STON2: variants seen among roughly 807,000 people sequenced by gnomAD.
STON2 encodes stonin-2.
A neutral mutation model predicts 65.7 loss-of-function variants in STON2; 29 were observed. The observed-to-expected ratio is 0.44, with a 90% confidence interval of 0.33 to 0.60. STON2 has a LOEUF of 0.60. STON2 is among the 20% of genes least tolerant of loss of function. STON2 has a pLI of 0.03. For synonymous variants in STON2, 404 were observed against 414.2 expected (o/e 0.98, Z 0.30); for missense variants, 1,054 against 1,118.1 (o/e 0.94, Z 0.82).
At chr14:81,424,671 A>G (rs535711883) in intron 2 of STON2, among the ~76,000 whole-genome samples, 65 of 152,246 alleles carry the variant, frequency 4.3e-4, no homozygotes, top group African/African-American at 1.5e-3. Flanking sequence ...ACCACAGACA[A>G]TGGGACAGGA....
intron 4 of STON2, among the ~76,000 whole-genome samples, chr14:81,339,932 A>G (rs1336620489): frequency 6.6e-6 from 1 of 152,240 alleles, no homozygotes; most frequent in Non-Finnish European, 1.5e-5. Flanking sequence ...AGGCAGGTAG[A>G]TCACGAGGTC....
chr14:81,353,100 A>G (rs1231049903), intron 4 of STON2, among the ~76,000 whole-genome samples: 1 of 152,214 alleles, frequency 6.6e-6, no homozygotes, highest in Non-Finnish European at 1.5e-5. Flanking sequence ...GCACCTCCAC[A>G]CATCTACATG....
intron 3 of STON2, among the ~76,000 whole-genome samples, chr14:81,383,152 GCTT>G (rs1303426404): frequency 6.6e-6 from 1 of 152,190 alleles, no homozygotes; most frequent in East Asian, 1.9e-4. Flanking sequence ...ATCAATATCT[GCTT>G]CTTCTCCTTT....
chr14:81,365,387 C>T (rs1898674808), intron 4 of STON2, among the ~76,000 whole-genome samples: 1 of 152,194 alleles, frequency 6.6e-6, no homozygotes, highest in Admixed American at 6.5e-5. Flanking sequence ...GTGCTTCATC[C>T]AGTCTTGACA....
intron 5 of STON2, among the ~76,000 whole-genome samples, chr14:81,322,550 G>A (rs1444361463): frequency 6.6e-6 from 1 of 152,018 alleles, no homozygotes; most frequent in Non-Finnish European, 1.5e-5. Flanking sequence ...AACTAGAGCC[G>A]CAAAAAAACA....
intron 5 of STON2, among the ~76,000 whole-genome samples, chr14:81,302,519 C>G (rs1300863844): frequency 6.6e-6 from 1 of 152,230 alleles, no homozygotes; most frequent in African/African-American, 2.4e-5. Flanking sequence ...TGGTTCTATA[C>G]TGACATTTCT....
intron 4 of STON2, among the ~76,000 whole-genome samples, chr14:81,332,775 A>G (rs1211305889): frequency 1.3e-5 from 2 of 152,256 alleles, no homozygotes; most frequent in Non-Finnish European, 2.9e-5. Flanking sequence ...TTATTGGAAG[A>G]GCTGACATCT....
At chr14:81,432,333 A>G in intron 1 of STON2, among the ~76,000 whole-genome samples, 1 of 151,834 alleles carries the variant, frequency 6.6e-6, no homozygotes, top group East Asian at 1.9e-4. Flanking sequence ...AACTTGCTCC[A>G]TCTCGTAGTA....
rs1281672045 is a variant in STON2, at chr14:81,308,816, ATATATATATGTG to A, written c.742+15189_742+15200del. On this transcript the variant is annotated intron_variant, in intron 5 of 7. Coordinates refer to ENST00000614646, the MANE Select transcript of STON2 (RefSeq NM_001394390.1). Reference sequence around the variant, plus strand: ...TATATATATATATATATATATATATATATATATATGTGTGTGTGTGTATATATATATATATAC... The same window carrying A: ...TATATATATATATATATATATATATATGTGTGTGTATATATATATATATAC... Among the ~76,000 whole-genome samples, 8 of 9,790 alleles carry A rather than the reference ATATATATATGTG, an allele frequency of 8.2e-4. 1 individual carries two copies. The highest frequency in any genetic ancestry group is 3.0e-3 in the South Asian group (1 of 330). The allele number at this position is 9,790 out of a possible 152,430, so 6.4% of individuals were successfully genotyped here.
intron 5 of STON2, among the ~76,000 whole-genome samples, chr14:81,289,556 G>T (rs1321295407): frequency 6.6e-6 from 1 of 152,152 alleles, no homozygotes; most frequent in Non-Finnish European, 1.5e-5. Flanking sequence ...AAGGGAGTAT[G>T]GGGGAATTTA....
chr14:81,286,094 G>C (rs1895322949), intron 5 of STON2, among the ~76,000 whole-genome samples: 1 of 152,014 alleles, frequency 6.6e-6, no homozygotes. Context: ...GTTGCAGTGA[G>C]CCGAGACTGC....
chr14:81,264,370 G>T lies in STON2; in HGVS notation c.*4044C>A. 4 of 984,858 alleles carry T rather than the reference G, an allele frequency of 4.1e-6. No homozygotes were observed. The highest frequency in any genetic ancestry group is 4.8e-6 in the Non-Finnish European group (4 of 829,376). The allele number at this position is 984,858 out of a possible 1,614,324, so 61.0% of individuals were successfully genotyped here. A position where few individuals can be genotyped will look rare whatever the true frequency, so the allele number is the denominator to read the frequency against. On this transcript the variant is annotated 3_prime_UTR_variant, in exon 8 of 8. Coordinates refer to ENST00000614646, the MANE Select transcript of STON2 (RefSeq NM_001394390.1). The stretch of plus-strand genomic sequence containing the variant: ...ATTATGAGTATTTGATGATAAGTAA[G>T]GGTTAAGTAGCCTTCGAGTCTCAGG...
At chr14:81,352,122 C>T (rs1898047260) in intron 4 of STON2, among the ~76,000 whole-genome samples, 1 of 152,040 alleles carries the variant, frequency 6.6e-6, no homozygotes, top group Admixed American at 6.5e-5. Flanking sequence ...CACATTAATA[C>T]TATCATAATT....
At chr14:81,399,719 C>G (rs1900507069) in intron 1 of STON2, among the ~76,000 whole-genome samples, 1 of 152,182 alleles carries the variant, frequency 6.6e-6, no homozygotes, top group African/African-American at 2.4e-5. Flanking sequence ...GAGTAGGACT[C>G]ATAGTACTCT....
intron 3 of STON2, among the ~76,000 whole-genome samples, chr14:81,375,911 T>C (rs1423428786): frequency 1.3e-5 from 2 of 150,936 alleles, no homozygotes; most frequent in Non-Finnish European, 3.0e-5. Context: ...TAGTTGTCTA[T>C]ACTAGATAAA....
At chr14:81,279,892 TAAGAA>T (rs1433558866) in intron 5 of STON2, among the ~76,000 whole-genome samples, 1 of 152,178 alleles carries the variant, frequency 6.6e-6, no homozygotes, top group Non-Finnish European at 1.5e-5. Flanking sequence ...AATTCTACCC[TAAGAA>T]AATAAATCTA....
chr14:81,307,596 GAACCACAGGGGTTTGA>G (rs1896230471), intron 5 of STON2, among the ~76,000 whole-genome samples: 1 of 152,080 alleles, frequency 6.6e-6, no homozygotes, highest in East Asian at 1.9e-4. Flanking sequence ...GTTGACACTT[GAACCACAGGGGTTTGA>G]ACTGCACTGG....
At position 81,265,221 on chromosome 14, in the gene STON2, T is replaced by C. The variant is rs1894310859; in HGVS notation, c.*3193A>G. The C allele has an allele frequency of 1.0e-6, 1 of 984,040 alleles. No homozygotes were observed. Among genetic ancestry groups the C allele is most frequent in the Non-Finnish European group, 1.2e-6 (1 of 828,780 alleles). 61.0% of individuals were successfully genotyped at this position (984,040 alleles called of 1,614,324 possible). On this transcript the variant is annotated 3_prime_UTR_variant, in exon 8 of 8. Coordinates refer to ENST00000614646, the MANE Select transcript of STON2 (RefSeq NM_001394390.1). ...ATTTTCTTTAGAAGTTATTTAAACC[T>C]AGTAAAACACTCATTACGTCTAAAA...
Position 81,331,703 on chromosome 14 carries a change from G to A in STON2, c.572-7516C>T, listed in dbSNP as rs149544421. On this transcript the variant is annotated intron_variant, in intron 4 of 7. Transcript: ENST00000614646. ...GGAAAAAGAGACCTATGTTGAAGCC[G>A]TTGGACTTGGGTTAAAAGCTGCATT... Among the ~76,000 whole-genome samples, 13 of 152,322 alleles carry A rather than the reference G, an allele frequency of 8.5e-5. No individual in the cohort carries two copies. The East Asian group carries it at 1.4e-3, about 16-fold the overall frequency.
Sources: allele counts gnomAD v4.1 joint callset (sites outside exome capture counted in the v4.1 genomes callset), GRCh38; gene constraint gnomAD v4.1.1; transcripts MANE v1.5; gene names NCBI Gene and HGNC (gene_info 2026-07-23, HGNC 2026-07-21).